REEP1: variants seen among roughly 807,000 people sequenced by gnomAD.
The protein encoded by REEP1 is receptor expression-enhancing protein 1.
In REEP1, 22 loss-of-function variants were observed where a neutral mutation model predicts 40.3. The observed-to-expected ratio is 0.55, with a 90% CI of 0.39 to 0.78. The LOEUF (loss-of-function observed/expected upper bound fraction) is 0.78, where lower values mean the gene tolerates loss of function less well. REEP1 is among the 30% of genes least tolerant of loss of function. REEP1 has a pLI of 0.00. For missense variants in REEP1, 280 were observed against 361.1 expected (o/e 0.78, Z 1.82); for synonymous variants, 116 against 139.2 (o/e 0.83, Z 1.17).
At chr2:86,255,786 T>C (rs1205438392) in intron 3 of REEP1, among the ~76,000 whole-genome samples, 3 of 152,126 alleles carry the variant, frequency 2.0e-5, no homozygotes, top group Non-Finnish European at 4.4e-5. Context: ...TGCCTTTGAA[T>C]GTATTAGAAG....
chr2:86,256,226 T>C (rs1676553541), intron 3 of REEP1, among the ~76,000 whole-genome samples: 1 of 151,310 alleles, frequency 6.6e-6, no homozygotes, highest in Non-Finnish European at 1.5e-5. Context: ...CGGGCACCTG[T>C]AATCCCAGCT....
In REEP1 at chr2:86,271,703, G is replaced by A. The variant is rs146101241; in HGVS notation, c.106-7662C>T. On this transcript the variant is annotated intron_variant, in intron 2 of 8. Coordinates refer to ENST00000538924, the MANE Select transcript of REEP1 (RefSeq NM_001371279.1). ...CTGTCTGAGACACTGCACACTGCCA[G>A]GTTGTCTGTAGCAGCACTGACTCCT... Among the ~76,000 whole-genome samples the A allele has an allele frequency of 9.9e-3, 1,511 of 152,334 alleles. 38 individuals carry two copies. Among genetic ancestry groups the A allele is most frequent in the African/African-American group, 0.034 (1,408 of 41,572 alleles).
chr2:86,223,537 G>C (rs1046468302), intron 7 of REEP1: 1 of 152,308 alleles, frequency 6.6e-6, no homozygotes, highest in Admixed American at 6.5e-5. Flanking sequence ...CATTCCGTTA[G>C]AGAAGGGTCT....
At chr2:86,236,129 T>A (rs186473588) in intron 5 of REEP1, among the ~76,000 whole-genome samples, 7 of 151,850 alleles carry the variant, frequency 4.6e-5, no homozygotes, top group Admixed American at 2.0e-4. Context: ...GGCAGGAGAA[T>A]CTTTTGAACC....
At chr2:86,326,220 A>G (rs1354114483) in intron 1 of REEP1, among the ~76,000 whole-genome samples, 1 of 152,230 alleles carries the variant, frequency 6.6e-6, no homozygotes, top group Non-Finnish European at 1.5e-5. Flanking sequence ...ATCAGAACTT[A>G]TTCATCTTTA....
At chr2:86,251,755 G>A (rs1366426006) in intron 5 of REEP1, 13 of 619,482 alleles carry the variant, frequency 2.1e-5, no homozygotes, top group South Asian at 1.8e-4. Context: ...GATATTGCAA[G>A]TATGTGGGCA....
intron 1 of REEP1, among the ~76,000 whole-genome samples, chr2:86,287,882 T>C (rs1224858433): frequency 6.6e-6 from 1 of 152,256 alleles, no homozygotes; most frequent in East Asian, 1.9e-4. Flanking sequence ...AAAGTGTTTA[T>C]ACCTGTTTAC....
intron 2 of REEP1, among the ~76,000 whole-genome samples, chr2:86,264,667 C>T (rs887370759): frequency 2.0e-5 from 3 of 152,204 alleles, no homozygotes; most frequent in Admixed American, 6.5e-5. Context: ...CCTGCAGAAT[C>T]AAGTCCAGAT....
At chr2:86,311,995 G>A (rs750315268) in intron 1 of REEP1, among the ~76,000 whole-genome samples, 10 of 151,946 alleles carry the variant, frequency 6.6e-5, no homozygotes, top group Non-Finnish European at 1.2e-4. Flanking sequence ...AAGTCCTGCC[G>A]ATTGTTCCCA....
At chr2:86,312,999 GCTTT>G (rs61580008) in intron 1 of REEP1, among the ~76,000 whole-genome samples, 3,567 of 152,054 alleles carry the variant, frequency 0.023, 137 homozygotes, top group African/African-American at 0.08. Context: ...TTCTTCTTCT[GCTTT>G]TTTTTTCTTT....
intron 1 of REEP1, among the ~76,000 whole-genome samples, chr2:86,307,442 C>T (rs183299644): frequency 1.8e-4 from 27 of 152,244 alleles, no homozygotes; most frequent in Admixed American, 2.0e-4. Flanking sequence ...TTGTGTTCAA[C>T]TTACTAGAAT....
chr2:86,337,447 G>A lies in REEP1; in HGVS notation c.32+32C>T, dbSNP rs1220578613. On this transcript the variant is annotated intron_variant, in intron 1 of 8. Transcript: ENST00000538924. This position sits in a 1 kb window ranked among gnomAD's most constrained non-coding sequence, Gnocchi z 5.8. ...CGGGGCCGGGGGCGGGGAGGGAGGG[G>A]ACGGAGGGGCGCGGGGGAGAAGGCC... The A allele has an allele frequency of 4.0e-6, 5 of 1,236,558 alleles. No homozygotes were observed. Among genetic ancestry groups the A allele is most frequent in the South Asian group, 6.1e-5 (2 of 32,726 alleles). 76.6% of individuals were successfully genotyped at this position (1,236,558 alleles called of 1,614,324 possible).
chr2:86,260,328 C>T (rs774145713), intron 3 of REEP1, among the ~76,000 whole-genome samples: 1 of 152,198 alleles, frequency 6.6e-6, no homozygotes, highest in Non-Finnish European at 1.5e-5. Flanking sequence ...ACTGCCTGGA[C>T]ACCCCCAGCT....
chr2:86,220,883 T>A (rs1231412069), intron 7 of REEP1, among the ~76,000 whole-genome samples: 2 of 152,222 alleles, frequency 1.3e-5, no homozygotes, highest in Non-Finnish European at 2.9e-5. Flanking sequence ...CAGTATTTTT[T>A]AAATGTTAAA....
intron 1 of REEP1, among the ~76,000 whole-genome samples, chr2:86,325,939 C>A (rs552412758): frequency 1.4e-4 from 22 of 152,336 alleles, no homozygotes; most frequent in African/African-American, 5.3e-4. Flanking sequence ...TGTCCTCTGC[C>A]TTCTCTTCTC....
At chr2:86,234,760 T>C (rs901783917) in intron 5 of REEP1, among the ~76,000 whole-genome samples, 2 of 152,224 alleles carry the variant, frequency 1.3e-5, no homozygotes, top group African/African-American at 4.8e-5. Flanking sequence ...AGAGTGATGG[T>C]TGGGCAAGGG....
chr2:86,337,524 G>C lies in REEP1; in HGVS notation c.-14C>G. 11 of 1,272,684 alleles carry C rather than the reference G, an allele frequency of 8.6e-6. No individual in the cohort carries two copies. The highest frequency in any genetic ancestry group is 1.0e-5 in the Non-Finnish European group (10 of 1,004,564). The allele number at this position is 1,272,684 out of a possible 1,614,324, so 78.8% of individuals were successfully genotyped here. A position where few individuals can be genotyped will look rare whatever the true frequency, so the allele number is the denominator to read the frequency against. On this transcript the variant is annotated 5_prime_UTR_variant, in exon 1 of 9. Coordinates refer to ENST00000538924, the MANE Select transcript of REEP1 (RefSeq NM_001371279.1). This position sits in a 1 kb window ranked among gnomAD's most constrained non-coding sequence, Gnocchi z 5.8. ...CCATGACACCATGGCGGGCAGGCGG[G>C]CGGGCGAGGCCCGGGCGGCGCGGCT...
chr2:86,272,832 T>TGG (rs1677530217), intron 2 of REEP1, among the ~76,000 whole-genome samples: 1 of 152,138 alleles, frequency 6.6e-6, no homozygotes, highest in Non-Finnish European at 1.5e-5. Context: ...GCCAAAATGA[T>TGG]TTTCTTAAGG....
At chr2:86,302,942 C>T (rs1679317048) in intron 1 of REEP1, among the ~76,000 whole-genome samples, 1 of 152,204 alleles carries the variant, frequency 6.6e-6, no homozygotes, top group African/African-American at 2.4e-5. Context: ...GTGGGACAGT[C>T]CTGCATCTCA....
Sources: allele counts gnomAD v4.1 joint callset (sites outside exome capture counted in the v4.1 genomes callset), GRCh38; gene constraint gnomAD v4.1.1; non-coding constraint Gnocchi (gnomAD v3.1); transcripts MANE v1.5; gene names NCBI Gene and HGNC (gene_info 2026-07-23, HGNC 2026-07-21).